The following NEMP2 variants were observed in gnomAD, a reference collection of about 807,000 sequenced individuals.
NEMP2 encodes the protein nuclear envelope integral membrane protein 2, also known as UPF0571 transmembrane protein.
A neutral mutation model predicts 54.2 loss-of-function variants in NEMP2; 53 were observed. The ratio of observed to expected loss-of-function variants is 0.98; its 90% confidence interval spans 0.78 to 1.23. NEMP2 has a LOEUF of 1.23. NEMP2 is among the 50% of genes most tolerant of loss of function. The probability of loss-of-function intolerance (pLI) is 0.00; values close to 1 mark genes in which losing one functional copy is unlikely to be tolerated. For missense variants in NEMP2, 455 were observed against 511.3 expected (o/e 0.89, Z 1.06); for synonymous variants, 197 against 190.3 (o/e 1.04, Z -0.29).
chr2:190,561,918 T>A, the NEMP2 span, among the ~76,000 whole-genome samples: 1 of 152,212 alleles, frequency 6.6e-6, no homozygotes, highest in Non-Finnish European at 1.5e-5. This position sits in a 1 kb window ranked among gnomAD's most constrained non-coding sequence, Gnocchi z 5.4. Flanking sequence ...TAAAATTTTT[T>A]AAAATAAGAG....
In NEMP2 at chr2:190,533,016, A is replaced by G. The variant is rs1559170651; in HGVS notation, c.97+1543T>C. 6.6e-6 allele frequency among the ~76,000 whole-genome samples: 1 copy of G among 152,274 alleles called. No homozygotes were observed. The highest frequency in any genetic ancestry group is 1.5e-5 in the Non-Finnish European group (1 of 68,056). ...TATTTATGTGTGTCTTTGATTAACA[A>G]AGCAGAGAAGCAGGCTGTTACTATT... On this transcript the variant is annotated intron_variant, in intron 1 of 8. Transcript: ENST00000409150. This position sits in a 1 kb window ranked among gnomAD's most constrained non-coding sequence, Gnocchi z 4.3.
the NEMP2 span, among the ~76,000 whole-genome samples, chr2:190,618,872 C>T: frequency 1.8e-4 from 27 of 152,334 alleles, no homozygotes; most frequent in East Asian, 3.9e-3. Context: ...CCACAGCACC[C>T]GGCCTAACTT....
the NEMP2 span, among the ~76,000 whole-genome samples, chr2:190,430,596 T>C: frequency 6.6e-6 from 1 of 152,132 alleles, no homozygotes; most frequent in Non-Finnish European, 1.5e-5. Flanking sequence ...AAGTCTCCCA[T>C]GTCTGCTTCT....
the NEMP2 span, among the ~76,000 whole-genome samples, chr2:190,599,738 G>C: frequency 6.6e-6 from 1 of 152,124 alleles, no homozygotes; most frequent in East Asian, 1.9e-4. Flanking sequence ...AACTACACTG[G>C]AAGCTTTCCA....
the NEMP2 span, among the ~76,000 whole-genome samples, chr2:190,485,661 T>C: frequency 1.3e-5 from 2 of 152,138 alleles, no homozygotes; most frequent in African/African-American, 4.8e-5. This position sits in a 1 kb window ranked among gnomAD's most constrained non-coding sequence, Gnocchi z 5.1. Flanking sequence ...ATTAAGACTA[T>C]CCAGGCATTA....
the NEMP2 span, among the ~76,000 whole-genome samples, chr2:190,620,118 C>T: frequency 6.6e-6 from 1 of 152,156 alleles, no homozygotes; most frequent in African/African-American, 2.4e-5. The surrounding 1 kb of genome is among the most constrained non-coding windows in gnomAD (Gnocchi z 4.9). Context: ...GAACTAAGCT[C>T]TCAGTTGGAT....
chr2:190,648,358 T>A, the NEMP2 span: 2 of 152,164 alleles, frequency 1.3e-5, no homozygotes, highest in Admixed American at 1.3e-4. Flanking sequence ...CAGCCGCCGG[T>A]TCTTCCAGCG....
chr2:190,565,353 G>C, the NEMP2 span, among the ~76,000 whole-genome samples: 1 of 152,156 alleles, frequency 6.6e-6, no homozygotes, highest in Non-Finnish European at 1.5e-5. Context: ...CTAACCCCTA[G>C]GCCAATGTTT....
the NEMP2 span, among the ~76,000 whole-genome samples, chr2:190,567,154 A>G: frequency 2.6e-5 from 4 of 152,180 alleles, no homozygotes; most frequent in African/African-American, 7.2e-5. This position sits in a 1 kb window ranked among gnomAD's most constrained non-coding sequence, Gnocchi z 4.0. Flanking sequence ...ACAATTAGAT[A>G]AAAAAGGAAG....
chr2:190,431,553 A>C, the NEMP2 span, among the ~76,000 whole-genome samples: 1 of 152,162 alleles, frequency 6.6e-6, no homozygotes, highest in African/African-American at 2.4e-5. The surrounding 1 kb of genome is among the most constrained non-coding windows in gnomAD (Gnocchi z 4.4). Flanking sequence ...AAAAATACGA[A>C]AACCAGTCAG....
At chr2:190,572,369 A>G in the NEMP2 span, among the ~76,000 whole-genome samples, 1 of 152,206 alleles carries the variant, frequency 6.6e-6, no homozygotes, top group Non-Finnish European at 1.5e-5. Context: ...AATAAGGCCT[A>G]TAGAACATGT....
At chr2:190,589,863 A>G in the NEMP2 span, among the ~76,000 whole-genome samples, 5 of 152,208 alleles carry the variant, frequency 3.3e-5, no homozygotes, top group African/African-American at 4.8e-5. This position sits in a 1 kb window ranked among gnomAD's most constrained non-coding sequence, Gnocchi z 4.3. Context: ...GGCCAATTCA[A>G]ATACCCCTAT....
the NEMP2 span, among the ~76,000 whole-genome samples, chr2:190,597,542 A>C: frequency 6.6e-6 from 1 of 152,180 alleles, no homozygotes; most frequent in African/African-American, 2.4e-5. The surrounding 1 kb of genome is among the most constrained non-coding windows in gnomAD (Gnocchi z 4.7). Context: ...CAAAAAGAGC[A>C]TCTAACTGAA....
the NEMP2 span, among the ~76,000 whole-genome samples, chr2:190,448,936 A>G: frequency 2.6e-5 from 4 of 152,188 alleles, no homozygotes; most frequent in Non-Finnish European, 4.4e-5. Flanking sequence ...GAAGAGCCAA[A>G]TGTGTGTATG....
At chr2:190,459,147 T>C in the NEMP2 span, among the ~76,000 whole-genome samples, 2 of 152,190 alleles carry the variant, frequency 1.3e-5, no homozygotes, top group Non-Finnish European at 2.9e-5. The surrounding 1 kb of genome is among the most constrained non-coding windows in gnomAD (Gnocchi z 5.3). Context: ...CCTCCCTCCA[T>C]ATTGTGGCTC....
At chr2:190,498,383 A>G in the NEMP2 span, among the ~76,000 whole-genome samples, 1 of 152,218 alleles carries the variant, frequency 6.6e-6, no homozygotes, top group Non-Finnish European at 1.5e-5. This position sits in a 1 kb window ranked among gnomAD's most constrained non-coding sequence, Gnocchi z 5.9. Flanking sequence ...CTTTTATTTG[A>G]TAAGTCACGT....
chr2:190,465,164 G>T, the NEMP2 span, among the ~76,000 whole-genome samples: 1 of 152,128 alleles, frequency 6.6e-6, no homozygotes, highest in Non-Finnish European at 1.5e-5. The surrounding 1 kb of genome is among the most constrained non-coding windows in gnomAD (Gnocchi z 4.6). Context: ...CTTGTAGTTT[G>T]CTCAAATACA....
In NEMP2 at chr2:190,530,188, G is replaced by A. The variant is rs983281088; in HGVS notation, c.97+4371C>T. Among the ~76,000 whole-genome samples, 19 of 152,204 alleles carry A rather than the reference G, an allele frequency of 1.2e-4. 1 individual carries two copies. The highest frequency in any genetic ancestry group is 4.3e-4 in the African/African-American group (18 of 41,432). On this transcript the variant is annotated intron_variant, in intron 1 of 8. Transcript: ENST00000409150. This position sits in a 1 kb window ranked among gnomAD's most constrained non-coding sequence, Gnocchi z 4.6. ...AGGACAGCATAGAAGGAAGGAGGTT[G>A]TCCTGACTGTTCATGCCTATAGACA... is the stretch of plus-strand genomic sequence containing the variant.
the NEMP2 span, chr2:190,477,170 G>T: frequency 3.9e-6 from 3 of 759,728 alleles, no homozygotes; most frequent in Non-Finnish European, 4.8e-6. Flanking sequence ...AAACCTGCAC[G>T]TTGTGCACAT....
Sources: gnomAD v4.1 joint callset for allele counts (sites outside exome capture counted in the v4.1 genomes callset) on GRCh38, gnomAD v4.1.1 for gene constraint, Gnocchi (gnomAD v3.1) non-coding constraint, MANE v1.5 for transcripts, NCBI Gene and HGNC (gene_info 2026-07-23, HGNC 2026-07-21) for gene names.